The following KLHL23 variants were observed in gnomAD, a reference collection of about 807,000 sequenced individuals.
The protein encoded by KLHL23 is kelch like family member 23, also known as kelch-like protein 23.
In KLHL23, 33 loss-of-function variants were observed where a neutral mutation model predicts 48.9. That is an observed-to-expected ratio of 0.67 (90% CI 0.51 to 0.90). KLHL23 has a LOEUF of 0.90. Ranked by LOEUF, KLHL23 falls within the 40% of genes least tolerant of loss-of-function variation. The pLI, the probability that KLHL23 is intolerant of heterozygous loss-of-function variation, is 0.00. For missense variants in KLHL23, 608 were observed against 669.6 expected (o/e 0.91, Z 1.02); for synonymous variants, 234 against 231.6 (o/e 1.01, Z -0.09).
In KLHL23 at chr2:169,749,804, G is replaced by C; in HGVS notation, c.*72G>C. ...TTTATAAAAAAAGAATGCAGGGTTTGAAGTTCCTTACCTGATAATTGTGTC... is the reference window on the plus strand; with the variant it reads ...TTTATAAAAAAAGAATGCAGGGTTTCAAGTTCCTTACCTGATAATTGTGTC... On this transcript the variant is annotated 3_prime_UTR_variant, in exon 4 of 4. Transcript: ENST00000392647. The C allele has an allele frequency of 6.6e-7, 1 of 1,509,526 alleles. No individual in the cohort carries two copies. Among genetic ancestry groups the C allele is most frequent in the Non-Finnish European group, 8.9e-7 (1 of 1,123,294 alleles). The allele number at this position is 1,509,526 out of a possible 1,614,324, so 93.5% of individuals were successfully genotyped here.
At position 169,736,135 on chromosome 2, in the gene KLHL23, T is replaced by C; in HGVS notation, c.1121T>C (p.Leu374Ser). The C allele has an allele frequency of 6.2e-7, 1 of 1,614,202 alleles. No individual in the cohort carries two copies. The highest frequency in any genetic ancestry group is 8.5e-7 in the Non-Finnish European group (1 of 1,180,030). ...ACCTTGGGTGGCTGTGTCTATGCTT[T>C]AGGTGGTTACAGAAAAGGGGCTCCA... ...AVTLGGCVYA[L>S]GGYRKGAPAE... Residue 374 changes from leucine (L) to serine (S), a missense_variant, in exon 2 of 4, where the codon TTA (leucine) becomes TCA (serine). Leu to Ser is a moderately radical substitution (Grantham distance 145). Coordinates refer to ENST00000392647, the MANE Select transcript of KLHL23 (RefSeq NM_144711.6).
chr2:169,738,373 C>CGGGGA (rs1688565694), intron 2 of KLHL23, among the ~76,000 whole-genome samples: 1 of 152,058 alleles, frequency 6.6e-6, no homozygotes, highest in African/African-American at 2.4e-5. Flanking sequence ...TCCCAAAGTG[C>CGGGGA]GGGGATTATA....
rs748283756 is a variant in KLHL23 at position 169,735,554 on chromosome 2, T to G, written c.540T>G (p.Leu180=). 79 of 1,613,546 alleles carry G rather than the reference T, an allele frequency of 4.9e-5. No individual in the cohort carries two copies. Among genetic ancestry groups the G allele is most frequent in the Non-Finnish European group, 6.3e-5 (74 of 1,179,964 alleles). ...AAGAAGAATTTCTGGAAATCAGCCT[T>G]GAAAAGTTTCTCTTTATCTTGTCCA... The part of the protein sequence containing the change: ...WQQEEFLEIS[L]EKFLFILSRK... Residue 180 remains leucine, a synonymous_variant, in exon 2 of 4, where the codon CTT becomes CTG. Transcript: ENST00000392647. This position sits in a 1 kb window ranked among gnomAD's most constrained non-coding sequence, Gnocchi z 4.5.
Position 169,735,068 on chromosome 2 carries a change from T to C in KLHL23, c.54T>C (p.His18=). The change falls in exon 2 of 4, where the codon CAT becomes CAC. Residue 18 remains histidine, a synonymous_variant. Coordinates refer to ENST00000392647, the MANE Select transcript of KLHL23 (RefSeq NM_144711.6). This position sits in a 1 kb window ranked among gnomAD's most constrained non-coding sequence, Gnocchi z 4.5. ...DYIYLFKDST[H]PVDFLDAFRT... ...TTTATCTTTTCAAGGATTCAACACATCCAGTGGATTTTCTGGATGCATTCA... is the reference window on the plus strand; with the variant it reads ...TTTATCTTTTCAAGGATTCAACACACCCAGTGGATTTTCTGGATGCATTCA... 1 of 1,596,182 alleles carries C rather than the reference T, an allele frequency of 6.3e-7. No homozygotes were observed. Among genetic ancestry groups the C allele is most frequent in the Non-Finnish European group, 8.5e-7 (1 of 1,174,678 alleles).
chr2:169,740,453 CTT>C (rs35510038), intron 2 of KLHL23, among the ~76,000 whole-genome samples: 6 of 142,354 alleles, frequency 4.2e-5, no homozygotes, highest in African/African-American at 5.1e-5. Flanking sequence ...ATTCTATAAG[CTT>C]TTTTTTTTTT....
At chr2:169,747,847 C>T (rs1688831622) in intron 3 of KLHL23, among the ~76,000 whole-genome samples, 1 of 152,116 alleles carries the variant, frequency 6.6e-6, no homozygotes, top group South Asian at 2.1e-4. Flanking sequence ...CGATAAGAAA[C>T]ACACCTGGCT....
chr2:169,742,091 G>C (rs1688690298), intron 3 of KLHL23, among the ~76,000 whole-genome samples: 1 of 152,210 alleles, frequency 6.6e-6, no homozygotes, highest in Non-Finnish European at 1.5e-5. Context: ...CTTCTTGGAT[G>C]TCTTCTGTTC....
chr2:169,750,662 A>G lies in KLHL23; in HGVS notation c.*930A>G, dbSNP rs935111382. On this transcript the variant is annotated 3_prime_UTR_variant, in exon 4 of 4. Transcript: ENST00000392647. ...TTACTCTCTATTTACTGACTACCAG[A>G]GATATACAAAATACTGTGCAAAAGA... is the stretch of plus-strand genomic sequence containing the variant. 1.3e-5 allele frequency: 2 copies of G among 152,172 alleles called. No individual in the cohort carries two copies. The highest frequency in any genetic ancestry group is 2.9e-5 in the Non-Finnish European group (2 of 68,016). The allele number at this position is 152,172 out of a possible 1,614,324, so 9.4% of individuals were successfully genotyped here.
chr2:169,739,226 A>G (rs770921331), intron 2 of KLHL23, among the ~76,000 whole-genome samples: 1 of 151,434 alleles, frequency 6.6e-6, no homozygotes, highest in Non-Finnish European at 1.5e-5. Flanking sequence ...TCTTCCCTCC[A>G]TACCCAAAGC....
chr2:169,741,403 C>T lies in KLHL23; in HGVS notation c.1232C>T (p.Ala411Val), dbSNP rs1688673103. The T allele has an allele frequency of 6.2e-7, 1 of 1,612,248 alleles. No homozygotes were observed. The highest frequency in any genetic ancestry group is 8.5e-7 in the Non-Finnish European group (1 of 1,178,858). ...TACGTAGGTGTGGGAAATGCTACTG[C>T]CTGTGTCTTACATGATGTTATCTAC... ...NMIKGVGNAT[A>V]CVLHDVIYVI... Residue 411 changes from alanine (A) to valine (V), a missense_variant, in exon 3 of 4, where the codon GCC becomes GTC. Ala to Val is a moderately conservative substitution (Grantham distance 64). Transcript: ENST00000392647.
At chr2:169,746,319 C>T (rs1688793420) in intron 3 of KLHL23, among the ~76,000 whole-genome samples, 1 of 152,168 alleles carries the variant, frequency 6.6e-6, no homozygotes, top group South Asian at 2.1e-4. Context: ...AAATTGAAAT[C>T]AATTCAAATG....
intron 3 of KLHL23, among the ~76,000 whole-genome samples, chr2:169,748,913 C>T (rs1262092896): frequency 6.6e-6 from 1 of 152,012 alleles, no homozygotes; most frequent in South Asian, 2.1e-4. Context: ...TCTTTAGCTT[C>T]TTGAGTTCAT....
intron 2 of KLHL23, among the ~76,000 whole-genome samples, chr2:169,740,105 A>C (rs988565287): frequency 2.0e-5 from 3 of 152,118 alleles, no homozygotes; most frequent in Non-Finnish European, 2.9e-5. Flanking sequence ...ATTACTGTAC[A>C]CTACTGTAGA....
In KLHL23 at chr2:169,736,126, T is replaced by TCTA. The variant is rs1688508424; in HGVS notation, c.1113_1115dup (p.Tyr372dup). ...TGTGCAGTCACCTTGGGTGGCTGTGTCTATGCTTTAGGTGGTTACAGAAAA... is the reference window on the plus strand; with the variant it reads ...TGTGCAGTCACCTTGGGTGGCTGTGTCTACTATGCTTTAGGTGGTTACAGAAAA... On this transcript the variant is annotated inframe_insertion, in exon 2 of 4. Transcript: ENST00000392647. 2 of 1,614,180 alleles carry TCTA rather than the reference T, an allele frequency of 1.2e-6. No individual in the cohort carries two copies. Among genetic ancestry groups the TCTA allele is most frequent in the East Asian group, 4.5e-5 (2 of 44,872 alleles).
intron 3 of KLHL23, 70 bp from the exon 4 acceptor site, chr2:169,749,352 C>T: frequency 7.0e-7 from 1 of 1,422,710 alleles, no homozygotes; most frequent in Non-Finnish European, 9.3e-7. Context: ...TATTACATTA[C>T]CACACTGTGG....
chr2:169,747,314 G>A lies in KLHL23; in HGVS notation c.1367-2108G>A, dbSNP rs1014585319. Among the ~76,000 whole-genome samples, 3 of 145,786 alleles carry A rather than the reference G, an allele frequency of 2.1e-5. No individual in the cohort carries two copies. In the East Asian group the frequency reaches 6.5e-4, roughly 31 times the overall value. On this transcript the variant is annotated intron_variant, in intron 3 of 3. Coordinates refer to ENST00000392647, the MANE Select transcript of KLHL23 (RefSeq NM_144711.6). ...TGAAGCATAAGAATCACTTGAACCC[G>A]GGAAGCAGAGGTTGCAGTGAGCCGA...
At chr2:169,740,333 A>G (rs1325564907) in intron 2 of KLHL23, among the ~76,000 whole-genome samples, 2 of 151,926 alleles carry the variant, frequency 1.3e-5, no homozygotes, top group Non-Finnish European at 2.9e-5. Context: ...GCTGGTCTCA[A>G]ACTCCTCCTG....
intron 1 of KLHL23, 75 bp downstream of exon 1, chr2:169,734,162 C>G (rs1280177906): frequency 6.8e-6 from 1 of 146,716 alleles, no homozygotes; most frequent in Non-Finnish European, 1.5e-5. Flanking sequence ...GGAGCGGGGC[C>G]GGGCGCGGGC....
chr2:169,746,591 A>G (rs1334333024), intron 3 of KLHL23, among the ~76,000 whole-genome samples: 1 of 152,238 alleles, frequency 6.6e-6, no homozygotes, highest in Non-Finnish European at 1.5e-5. Flanking sequence ...TCAGTGGCTT[A>G]GAGGGGTTAA....
Sources: allele counts gnomAD v4.1 joint callset (sites outside exome capture counted in the v4.1 genomes callset), GRCh38; gene constraint gnomAD v4.1.1; non-coding constraint Gnocchi (gnomAD v3.1); transcripts MANE v1.5; gene names NCBI Gene and HGNC (gene_info 2026-07-23, HGNC 2026-07-21).